NOL4: variants seen among roughly 807,000 people sequenced by gnomAD.
The protein encoded by NOL4 is cancer/testis antigen 125.
Under a neutral mutation model 75.9 loss-of-function variants are expected in NOL4, and 17 were observed. The observed-to-expected ratio is 0.22, with a 90% CI of 0.15 to 0.34. The LOEUF (loss-of-function observed/expected upper bound fraction) is 0.34. Among genes scored for constraint, NOL4 ranks in the 10% least tolerant of loss-of-function variants. NOL4 has a pLI of 1.00. For missense variants in NOL4, 614 were observed against 793.5 expected, an observed-to-expected ratio of 0.77 and a Z score of 2.72; for synonymous variants, 292 against 289.9, an observed-to-expected ratio of 1.01 and a Z score of -0.07.
intron 9 of NOL4, among the ~76,000 whole-genome samples, chr18:33,884,355 AGACT>A (rs1300109799): frequency 6.6e-6 from 1 of 152,082 alleles, no homozygotes; most frequent in East Asian, 1.9e-4. Flanking sequence ...GCGTTATAAC[AGACT>A]GACAAGGATG....
intron 1 of NOL4, among the ~76,000 whole-genome samples, chr18:34,137,632 C>G (rs1202452185): frequency 6.6e-6 from 1 of 152,024 alleles, no homozygotes; most frequent in East Asian, 1.9e-4. Flanking sequence ...CAAGTATTGG[C>G]AAGGATCTGG....
chr18:34,169,705 T>C (rs1394289975), intron 1 of NOL4, among the ~76,000 whole-genome samples: 1 of 152,100 alleles, frequency 6.6e-6, no homozygotes, highest in Non-Finnish European at 1.5e-5. Flanking sequence ...ACAAGGTTGG[T>C]TTAACATTTA....
At chr18:34,173,636 A>G (rs1486399027) in intron 1 of NOL4, among the ~76,000 whole-genome samples, 1 of 152,212 alleles carries the variant, frequency 6.6e-6, no homozygotes, top group East Asian at 1.9e-4. Flanking sequence ...TCCACCAAAT[A>G]AATGCTGAAA....
chr18:33,904,621 G>T (rs1468060572), intron 9 of NOL4, among the ~76,000 whole-genome samples: 2 of 152,118 alleles, frequency 1.3e-5, no homozygotes, highest in African/African-American at 4.8e-5. Flanking sequence ...TCACCTGAAG[G>T]TAACCATATG....
At chr18:34,207,445 T>C (rs1226783632) in intron 1 of NOL4, among the ~76,000 whole-genome samples, 2 of 152,240 alleles carry the variant, frequency 1.3e-5, no homozygotes, top group Non-Finnish European at 2.9e-5. Flanking sequence ...AATTTTGATA[T>C]GTTTCTTTGG....
At chr18:34,192,885 C>T (rs781703871) in intron 1 of NOL4, among the ~76,000 whole-genome samples, 35 of 152,032 alleles carry the variant, frequency 2.3e-4, no homozygotes, top group Admixed American at 1.5e-3. Flanking sequence ...CAAGTTAGGC[C>T]CCCTCTTGCT....
At chr18:34,057,549 T>C (rs2076882101) in intron 5 of NOL4, among the ~76,000 whole-genome samples, 1 of 152,208 alleles carries the variant, frequency 6.6e-6, no homozygotes, top group Admixed American at 6.5e-5. Context: ...CAGTGGCATC[T>C]GCTGTTGCCC....
chr18:34,016,433 A>T (rs996544347), intron 6 of NOL4, among the ~76,000 whole-genome samples: 1 of 152,074 alleles, frequency 6.6e-6, no homozygotes, highest in African/African-American at 2.4e-5. Flanking sequence ...CTATTAGACA[A>T]TCCGAAGTCC....
intron 6 of NOL4, among the ~76,000 whole-genome samples, chr18:33,961,640 A>T (rs2145776140): frequency 6.6e-6 from 1 of 152,204 alleles, no homozygotes; most frequent in East Asian, 1.9e-4. Context: ...TATATTATTC[A>T]CATTATCAAT....
In NOL4 at chr18:33,979,635, T is replaced by C. The variant is rs535928551; in HGVS notation, c.1057-21217A>G. Reference sequence around the variant, plus strand: ...TTGTATTTAGAAATAGCATGTGGAGTATAAATATGTACTTTGAAATACTCC... The same window carrying C: ...TTGTATTTAGAAATAGCATGTGGAGCATAAATATGTACTTTGAAATACTCC... On this transcript the variant is annotated intron_variant, in intron 6 of 10. Coordinates refer to ENST00000261592, the MANE Select transcript of NOL4 (RefSeq NM_003787.5). Among the ~76,000 whole-genome samples, 6 of 151,784 alleles carry C rather than the reference T, an allele frequency of 4.0e-5. No individual in the cohort carries two copies. The South Asian group carries it at 1.0e-3, about 26-fold the overall frequency.
intron 3 of NOL4, among the ~76,000 whole-genome samples, chr18:34,104,661 T>C (rs2079187047): frequency 6.6e-6 from 1 of 152,036 alleles, no homozygotes; most frequent in South Asian, 2.1e-4. Flanking sequence ...ATCATAATTT[T>C]AATGTAAAAT....
chr18:34,071,438 G>GACACACACACACACACACAC (rs61428886), intron 5 of NOL4, among the ~76,000 whole-genome samples: 3 of 147,800 alleles, frequency 2.0e-5, no homozygotes, highest in Admixed American at 1.4e-4. Context: ...CAGACAGACA[G>GACACACACACACACACACAC]ACACACACAC....
chr18:33,902,536 T>A (rs1225190661), intron 9 of NOL4, among the ~76,000 whole-genome samples: 1 of 152,174 alleles, frequency 6.6e-6, no homozygotes, highest in African/African-American at 2.4e-5. Flanking sequence ...CTTTTCTTGA[T>A]ATGTCTGAAT....
chr18:33,858,790 C>A (rs2144209253), intron 10 of NOL4, among the ~76,000 whole-genome samples: 1 of 151,992 alleles, frequency 6.6e-6, no homozygotes, highest in East Asian at 1.9e-4. Flanking sequence ...TTTGTAAAAC[C>A]ATCAGAGTCT....
chr18:34,098,352 A>C (rs1401023342), intron 4 of NOL4, among the ~76,000 whole-genome samples: 1 of 152,166 alleles, frequency 6.6e-6, no homozygotes, highest in African/African-American at 2.4e-5. Context: ...AGACCAGCAC[A>C]CTGTGAGGAA....
At chr18:34,128,936 G>A (rs550864915) in intron 2 of NOL4, 1 of 773,902 alleles carries the variant, frequency 1.3e-6, no homozygotes, top group Admixed American at 6.3e-5. Flanking sequence ...CAATATAGCT[G>A]AAAACAGTTA....
intron 2 of NOL4, among the ~76,000 whole-genome samples, chr18:34,121,034 A>G (rs1048892491): frequency 2.6e-5 from 4 of 152,208 alleles, no homozygotes; most frequent in Non-Finnish European, 5.9e-5. Context: ...TAAGGAAAAG[A>G]TTGTCATAAC....
chr18:34,049,761 G>C (rs1449036322), intron 5 of NOL4, among the ~76,000 whole-genome samples: 1 of 152,068 alleles, frequency 6.6e-6, no homozygotes, highest in Non-Finnish European at 1.5e-5. Flanking sequence ...TGAAGCAATG[G>C]AATCTATATC....
chr18:34,053,474 A>G (rs988259206), intron 5 of NOL4, among the ~76,000 whole-genome samples: 1 of 151,994 alleles, frequency 6.6e-6, no homozygotes, highest in Non-Finnish European at 1.5e-5. Flanking sequence ...AAAGCTTATT[A>G]TAAGAACTAA....
Sources: gnomAD v4.1 joint callset for allele counts (sites outside exome capture counted in the v4.1 genomes callset) on GRCh38, gnomAD v4.1.1 for gene constraint, MANE v1.5 for transcripts, NCBI Gene and HGNC (gene_info 2026-07-23, HGNC 2026-07-21) for gene names.